The following PPARD variants were observed in gnomAD, a reference collection of about 807,000 sequenced individuals.
PPARD encodes the protein peroxisome proliferator-activated receptor delta.
PPARD carries 6 observed loss-of-function variants against 39.5 expected under a neutral mutation model. That is an observed-to-expected ratio of 0.15 (90% confidence interval 0.08 to 0.30). The LOEUF is 0.30. Ranked by LOEUF, PPARD falls within the 10% of genes least tolerant of loss-of-function variation. The pLI is 1.00. For synonymous variants in PPARD, 210 were observed against 231.3 expected, an observed-to-expected ratio of 0.91 and a Z score of 0.83; for missense variants, 397 against 596.8, an observed-to-expected ratio of 0.67 and a Z score of 3.49.
At chr6:35,344,437 C>T (rs977059955) in intron 1 of PPARD, among the ~76,000 whole-genome samples, 17 of 151,886 alleles carry the variant, frequency 1.1e-4, no homozygotes, top group African/African-American at 4.1e-4. Flanking sequence ...CTTGAGAGCC[C>T]ACCACCTTCC....
chr6:35,403,006 C>T (rs1430770395), intron 2 of PPARD, among the ~76,000 whole-genome samples: 2 of 152,166 alleles, frequency 1.3e-5, no homozygotes, highest in Admixed American at 6.5e-5. Flanking sequence ...GCAACTGGGT[C>T]ACCTGCATGT....
At chr6:35,343,490 T>A (rs1026524775) in intron 1 of PPARD, among the ~76,000 whole-genome samples, 5 of 138,912 alleles carry the variant, frequency 3.6e-5, no homozygotes, top group South Asian at 2.1e-4. Flanking sequence ...AGCTCCACAC[T>A]CTACTCTACT....
At chr6:35,356,826 C>T (rs1160525705) in intron 2 of PPARD, among the ~76,000 whole-genome samples, 1 of 152,188 alleles carries the variant, frequency 6.6e-6, no homozygotes, top group Non-Finnish European at 1.5e-5. Flanking sequence ...CACTGGCGAA[C>T]CTCACATCAA....
chr6:35,424,631 C>G lies in PPARD; in HGVS notation c.930C>G (p.Gly310=). ...GGCTGCTGGTAGCCAACGGCAGTGG[C>G]TTTGTCACCCGTGAGTTCCTGCGCA... ...KDGLLVANGS[G]FVTREFLRSL... is the part of the protein sequence containing the mutation. The change falls in exon 7 of 8, where the codon GGC becomes GGG. Residue 310 remains glycine, a synonymous_variant. Transcript: ENST00000360694. The surrounding 1 kb of genome is among the most constrained non-coding windows in gnomAD (Gnocchi z 7.1). 1 of 1,614,232 alleles carries G rather than the reference C, an allele frequency of 6.2e-7. No individual in the cohort carries two copies. The highest frequency in any genetic ancestry group is 8.5e-7 in the Non-Finnish European group (1 of 1,180,044).
Position 35,425,926 on chromosome 6 carries a change from T to TG in PPARD, c.1174dup (p.Ala392GlyfsTer14). 6.2e-7 allele frequency: 1 copy of TG among 1,614,186 alleles called. No individual in the cohort carries two copies. On this transcript the variant is annotated frameshift_variant, in exon 8 of 8. Coordinates refer to ENST00000360694, the MANE Select transcript of PPARD (RefSeq NM_006238.5). LOFTEE classifies it high-confidence loss of function. This position sits in a 1 kb window ranked among gnomAD's most constrained non-coding sequence, Gnocchi z 4.5. Reference sequence around the variant, plus strand: ...TCCACCTGCAGGCCAACCACCCTGATGCCCAGTACCTCTTCCCCAAGCTGC... The same window carrying TG: ...TCCACCTGCAGGCCAACCACCCTGATGGCCCAGTACCTCTTCCCCAAGCTGC...
Position 35,412,972 on chromosome 6 carries a change from A to T in PPARD, c.130+1755A>T, listed in dbSNP as rs1331854396. ...AGTGGGGACTAAGAATGAGTGTGGG[A>T]TGTCATGAGGATTCAGGGGAGAATG... is the stretch of plus-strand genomic sequence containing the variant. On this transcript the variant is annotated intron_variant, in intron 3 of 7. Coordinates refer to ENST00000360694, the MANE Select transcript of PPARD (RefSeq NM_006238.5). This position sits in a 1 kb window ranked among gnomAD's most constrained non-coding sequence, Gnocchi z 4.1. Among the ~76,000 whole-genome samples, 1 of 152,152 alleles carries T rather than the reference A, an allele frequency of 6.6e-6. No individual in the cohort carries two copies. Among genetic ancestry groups the T allele is most frequent in the Non-Finnish European group, 1.5e-5 (1 of 68,034 alleles).
At chr6:35,351,273 C>T (rs71567496) in intron 2 of PPARD, among the ~76,000 whole-genome samples, 135 of 152,132 alleles carry the variant, frequency 8.9e-4, no homozygotes, top group Admixed American at 1.8e-3. Context: ...GATTCACCCG[C>T]GTCGGCCTCC....
At chr6:35,355,332 C>CGGACT (rs1312005671) in intron 2 of PPARD, among the ~76,000 whole-genome samples, 1 of 151,790 alleles carries the variant, frequency 6.6e-6, no homozygotes, top group Non-Finnish European at 1.5e-5. Context: ...CACCTGTAGT[C>CGGACT]CCAGCACACC....
intron 2 of PPARD, among the ~76,000 whole-genome samples, chr6:35,409,451 G>A (rs933016827): frequency 5.2e-4 from 79 of 152,152 alleles, no homozygotes; most frequent in African/African-American, 1.6e-3. Context: ...GCTGCAGTGA[G>A]CCATGATTGC....
chr6:35,414,063 A>G (rs1312884970), intron 3 of PPARD, among the ~76,000 whole-genome samples: 1 of 152,142 alleles, frequency 6.6e-6, no homozygotes, highest in Non-Finnish European at 1.5e-5. Context: ...AGAGATTCCC[A>G]TGCCAGCTTA....
rs984421699 is a variant in PPARD at position 35,401,002 on chromosome 6, G to A, written c.-101-9985G>A. Among the ~76,000 whole-genome samples, 1 of 152,074 alleles carries A rather than the reference G, an allele frequency of 6.6e-6. No individual in the cohort carries two copies. The highest frequency in any genetic ancestry group is 1.5e-5 in the Non-Finnish European group (1 of 68,018). On this transcript the variant is annotated intron_variant, in intron 2 of 7. Transcript: ENST00000360694. This position sits in a 1 kb window ranked among gnomAD's most constrained non-coding sequence, Gnocchi z 4.1. ...GGCCTCATGCCAAGCAGTGCCAAGC[G>A]CCACGTCTGCTCCCCAGATACCTGT...
At chr6:35,376,718 G>A (rs542859549) in intron 2 of PPARD, among the ~76,000 whole-genome samples, 20 of 152,116 alleles carry the variant, frequency 1.3e-4, no homozygotes, top group African/African-American at 4.1e-4. Flanking sequence ...TAGCTTGGTG[G>A]CTTAAGAAAG....
intron 3 of PPARD, among the ~76,000 whole-genome samples, chr6:35,418,268 A>G (rs1765906736): frequency 6.6e-6 from 1 of 152,240 alleles, no homozygotes; most frequent in African/African-American, 2.4e-5. Flanking sequence ...ACAGGCATCC[A>G]CAAAGGGTTT....
At chr6:35,395,069 C>T (rs1764239231) in intron 2 of PPARD, among the ~76,000 whole-genome samples, 1 of 152,144 alleles carries the variant, frequency 6.6e-6, no homozygotes, top group African/African-American at 2.4e-5. Context: ...CTGTAGCCCA[C>T]TTGCTGTCTT....
At chr6:35,399,838 T>C (rs1477972183) in intron 2 of PPARD, among the ~76,000 whole-genome samples, 1 of 152,254 alleles carries the variant, frequency 6.6e-6, no homozygotes, top group Non-Finnish European at 1.5e-5. Flanking sequence ...AAATATTCTA[T>C]GAAAACATGA....
At chr6:35,378,575 G>A (rs1019803311) in intron 2 of PPARD, among the ~76,000 whole-genome samples, 1 of 152,172 alleles carries the variant, frequency 6.6e-6, no homozygotes, top group African/African-American at 2.4e-5. Flanking sequence ...GCGTCTCTGA[G>A]TGCCAGGTGG....
chr6:35,360,942 C>T (rs1761895602), intron 2 of PPARD, among the ~76,000 whole-genome samples: 1 of 152,196 alleles, frequency 6.6e-6, no homozygotes, highest in Non-Finnish European at 1.5e-5. Flanking sequence ...GCCCATCTGC[C>T]TGCCCTGCTG....
intron 2 of PPARD, among the ~76,000 whole-genome samples, chr6:35,396,459 C>T (rs555936989): frequency 6.6e-5 from 10 of 150,594 alleles, no homozygotes; most frequent in African/African-American, 2.4e-4. Context: ...ACACCTCGGC[C>T]TCCCAAAGTG....
At chr6:35,419,738 G>T (rs1238527568) in intron 3 of PPARD, among the ~76,000 whole-genome samples, 1 of 152,160 alleles carries the variant, frequency 6.6e-6, no homozygotes, top group African/African-American at 2.4e-5. Context: ...TGAACCAGGA[G>T]AGCTGCTTCC....
Sources: allele counts gnomAD v4.1 joint callset (sites outside exome capture counted in the v4.1 genomes callset), GRCh38; gene constraint gnomAD v4.1.1; non-coding constraint Gnocchi (gnomAD v3.1); transcripts MANE v1.5; gene names NCBI Gene and HGNC (gene_info 2026-07-23, HGNC 2026-07-21).